Variants in FGF14 observed in about 807,000 individuals in gnomAD.
The protein encoded by FGF14 is fibroblast growth factor homologous factor 4.
Under a neutral mutation model 25.5 loss-of-function variants are expected in FGF14, and 5 were observed. The observed-to-expected ratio is 0.20, with a 90% CI of 0.10 to 0.41. The LOEUF (loss-of-function observed/expected upper bound fraction) is 0.41. Ranked by LOEUF, FGF14 falls within the 10% of genes least tolerant of loss-of-function variation. The pLI, the probability that FGF14 is intolerant of heterozygous loss-of-function variation, is 1.00. For missense variants in FGF14, 222 were observed against 320.1 expected (o/e 0.69, Z 2.34); for synonymous variants, 138 against 118.3 (o/e 1.17, Z -1.08).
chr13:102,385,732 C>G (rs1249106458), intron 1 of FGF14, among the ~76,000 whole-genome samples: 5 of 152,106 alleles, frequency 3.3e-5, no homozygotes, highest in Non-Finnish European at 7.4e-5. Context: ...GTGAAAGATT[C>G]TAATGGCCAA....
chr13:102,034,205 G>A (rs573797072), intron 1 of FGF14, among the ~76,000 whole-genome samples: 1 of 152,054 alleles, frequency 6.6e-6, no homozygotes, highest in African/African-American at 2.4e-5. Flanking sequence ...CCAGGACTCC[G>A]GGATACAACA....
intron 1 of FGF14, among the ~76,000 whole-genome samples, chr13:101,932,996 G>A (rs1291203553): frequency 1.3e-5 from 2 of 152,060 alleles, no homozygotes; most frequent in Admixed American, 1.3e-4. Context: ...TTCTTCCTAG[G>A]TGTGTTTCTT....
chr13:102,368,571 G>GA (rs1435261198), intron 1 of FGF14, among the ~76,000 whole-genome samples: 5 of 152,140 alleles, frequency 3.3e-5, no homozygotes, highest in African/African-American at 1.2e-4. Flanking sequence ...AACATACTGA[G>GA]TTTATTTGAT....
intron 1 of FGF14, among the ~76,000 whole-genome samples, chr13:102,054,668 C>T (rs976368032): frequency 6.6e-6 from 1 of 152,178 alleles, no homozygotes; most frequent in African/African-American, 2.4e-5. Flanking sequence ...CATCCTTCAA[C>T]TTTCTACTAT....
chr13:101,726,594 T>C lies in FGF14; in HGVS notation c.607+18A>G, dbSNP rs1449086302. On this transcript the variant is annotated intron_variant, in intron 4 of 4. Transcript: ENST00000376143. The stretch of plus-strand genomic sequence containing the variant: ...ATGTAATAAGTCTATGTAATAATAA[T>C]GCATGCATAATACTCACCTTCCAAT... 1.2e-6 allele frequency: 2 copies of C among 1,607,816 alleles called. No individual in the cohort carries two copies. The highest frequency in any genetic ancestry group is 1.3e-5 in the African/African-American group (1 of 74,778).
intron 1 of FGF14, among the ~76,000 whole-genome samples, chr13:102,350,497 T>G (rs1346133577): frequency 6.6e-6 from 1 of 152,208 alleles, no homozygotes; most frequent in African/African-American, 2.4e-5. Flanking sequence ...TTCCTGCCCA[T>G]GTGGAAACTC....
At chr13:101,725,020 G>A (rs1409166323) in intron 4 of FGF14, among the ~76,000 whole-genome samples, 2 of 151,532 alleles carry the variant, frequency 1.3e-5, no homozygotes, top group South Asian at 2.1e-4. Context: ...ATTTTACCTC[G>A]GTTAAATGAC....
chr13:101,753,012 T>A (rs1207675470), intron 3 of FGF14, among the ~76,000 whole-genome samples: 2 of 152,170 alleles, frequency 1.3e-5, no homozygotes, highest in African/African-American at 2.4e-5. Flanking sequence ...TAATCACAGT[T>A]TAATTATGGT....
At chr13:101,805,871 TA>T (rs2041166638) in intron 3 of FGF14, among the ~76,000 whole-genome samples, 1 of 152,182 alleles carries the variant, frequency 6.6e-6, no homozygotes, top group African/African-American at 2.4e-5. Context: ...AATGGAGTTC[TA>T]AAAAATTTTC....
intron 1 of FGF14, among the ~76,000 whole-genome samples, chr13:102,208,572 C>A (rs2050035343): frequency 6.6e-6 from 1 of 152,154 alleles, no homozygotes; most frequent in African/African-American, 2.4e-5. Flanking sequence ...TGGCTCCATG[C>A]TACTAAGGAA....
intron 1 of FGF14, among the ~76,000 whole-genome samples, chr13:102,258,353 G>A (rs1212127441): frequency 6.6e-6 from 1 of 152,050 alleles, no homozygotes; most frequent in African/African-American, 2.4e-5. Flanking sequence ...CACCAGTGTG[G>A]CCAGGAGGCC....
intron 1 of FGF14, among the ~76,000 whole-genome samples, chr13:102,337,535 A>G (rs955705143): frequency 1.3e-5 from 2 of 152,364 alleles, no homozygotes; most frequent in East Asian, 3.9e-4. Context: ...AGAATGTAGC[A>G]TATCCCATAA....
At chr13:101,911,360 C>G (rs1211968777) in intron 1 of FGF14, among the ~76,000 whole-genome samples, 2 of 152,126 alleles carry the variant, frequency 1.3e-5, no homozygotes, top group African/African-American at 2.4e-5. Context: ...CTTCACCAGA[C>G]AGTTGGCCAT....
At position 101,711,699 on chromosome 13, in the gene FGF14, C is replaced by T. The variant is rs2034473986; in HGVS notation, c.*11132G>A. The T allele has an allele frequency of 6.6e-6, 1 of 152,194 alleles. No individual in the cohort carries two copies. Among genetic ancestry groups the T allele is most frequent in the African/African-American group, 2.4e-5 (1 of 41,446 alleles). The allele number at this position is 152,194 out of a possible 1,614,324, so 9.4% of individuals were successfully genotyped here. On this transcript the variant is annotated 3_prime_UTR_variant, in exon 5 of 5. Transcript: ENST00000376143. ...CATCTTTGAAGGTAAAATTTCATTT[C>T]TTTCCCCTTCCTATGTCCTAAGATG...
chr13:102,315,159 A>G (rs2055960434), intron 1 of FGF14, among the ~76,000 whole-genome samples: 1 of 152,116 alleles, frequency 6.6e-6, no homozygotes, highest in African/African-American at 2.4e-5. Context: ...ACACACACAC[A>G]CATGCCTTCC....
At chr13:102,315,179 C>A (rs1175798013) in intron 1 of FGF14, among the ~76,000 whole-genome samples, 1 of 151,876 alleles carries the variant, frequency 6.6e-6, no homozygotes, top group Non-Finnish European at 1.5e-5. Flanking sequence ...CCTAATAAAT[C>A]GGTCAAAGAA....
intron 1 of FGF14, among the ~76,000 whole-genome samples, chr13:102,326,315 T>G (rs1316703578): frequency 6.6e-6 from 1 of 152,142 alleles, no homozygotes. Flanking sequence ...CAAATAAAAC[T>G]ATCAGTATAA....
chr13:101,964,790 T>G (rs1253000993), intron 1 of FGF14, among the ~76,000 whole-genome samples: 5 of 152,204 alleles, frequency 3.3e-5, no homozygotes, highest in Non-Finnish European at 7.3e-5. Context: ...GCAAGCTTCA[T>G]AAGCCAATGT....
chr13:101,918,637 G>C (rs542607188), upstream of FGF14, among the ~76,000 whole-genome samples: 2 of 152,330 alleles, frequency 1.3e-5, no homozygotes, highest in East Asian at 1.9e-4. Context: ...CAGGGAGGCT[G>C]GGCACCTTCT....
Sources: gnomAD v4.1 joint callset for allele counts (sites outside exome capture counted in the v4.1 genomes callset) on GRCh38, gnomAD v4.1.1 for gene constraint, MANE v1.5 for transcripts, NCBI Gene and HGNC (gene_info 2026-07-23, HGNC 2026-07-21) for gene names.